Variants in ZNF277 observed in about 807,000 individuals in gnomAD.
ZNF277 encodes the protein zinc finger protein 277.
A neutral mutation model predicts 60.7 loss-of-function variants in ZNF277; 55 were observed. The ratio of observed to expected loss-of-function variants is 0.91; its 90% CI spans 0.73 to 1.13. The LOEUF is 1.13. Ranked by LOEUF, ZNF277 falls within the 50% of genes most tolerant of loss-of-function variation. The pLI is 0.00. For synonymous variants in ZNF277, 178 were observed against 179.3 expected (o/e 0.99, Z 0.06); for missense variants, 510 against 523.0 (o/e 0.98, Z 0.24).
intron 1 of ZNF277, among the ~76,000 whole-genome samples, chr7:112,234,408 A>G (rs1822429713): frequency 6.6e-6 from 1 of 152,176 alleles, no homozygotes; most frequent in South Asian, 2.1e-4. Flanking sequence ...GTGTCTTTAC[A>G]TGGCAGAAGG....
intron 1 of ZNF277, among the ~76,000 whole-genome samples, chr7:112,266,401 C>T (rs1791551578): frequency 2.0e-5 from 3 of 152,160 alleles, no homozygotes; most frequent in Admixed American, 6.5e-5. Context: ...TCCTCCTCAG[C>T]CTGTCAAACT....
In ZNF277 at chr7:112,308,243, C is replaced by A. The variant is rs115997948; in HGVS notation, c.466-9939C>A. Among the ~76,000 whole-genome samples the A allele has an allele frequency of 9.4e-3, 1,434 of 152,030 alleles. 17 individuals are homozygous for A. Among genetic ancestry groups the A allele is most frequent in the African/African-American group, 0.032 (1,343 of 41,484 alleles). On this transcript the variant is annotated intron_variant, in intron 4 of 11. Transcript: ENST00000361822. ...TAAAAATTGTGACCATGGCTGGGTG[C>A]GGTGGCTCACTCCTGTAATCCCAGC...
chr7:112,299,187 T>C (rs1008985022), intron 4 of ZNF277, among the ~76,000 whole-genome samples: 1 of 152,152 alleles, frequency 6.6e-6, no homozygotes, highest in Non-Finnish European at 1.5e-5. Flanking sequence ...AGCATGAGGT[T>C]AGTGTGGGTG....
chr7:112,217,969 C>T (rs1343747078), intron 1 of ZNF277, among the ~76,000 whole-genome samples: 1 of 152,184 alleles, frequency 6.6e-6, no homozygotes, highest in Non-Finnish European at 1.5e-5. Flanking sequence ...ACGATTTCAT[C>T]TCTGACCTGA....
At chr7:112,245,643 C>G (rs1791066336) in intron 1 of ZNF277, among the ~76,000 whole-genome samples, 1 of 152,102 alleles carries the variant, frequency 6.6e-6, no homozygotes, top group South Asian at 2.1e-4. Flanking sequence ...GGTGACTTTC[C>G]GGCAACCTTT....
chr7:112,259,944 A>G (rs1425755859), intron 1 of ZNF277, among the ~76,000 whole-genome samples: 3 of 152,232 alleles, frequency 2.0e-5, no homozygotes, highest in African/African-American at 4.8e-5. Flanking sequence ...AGATAAGTTC[A>G]TCTATCAGGT....
intron 1 of ZNF277, 86 bp downstream of exon 1, chr7:112,206,893 G>GAGCC: frequency 7.3e-7 from 1 of 1,379,092 alleles, no homozygotes; most frequent in Non-Finnish European, 9.9e-7. Context: ...CTGACCCTAG[G>GAGCC]AGCCCTTCAG....
intron 1 of ZNF277, among the ~76,000 whole-genome samples, chr7:112,222,592 T>C (rs117002623): frequency 0.014 from 2,177 of 152,328 alleles, 30 homozygotes; most frequent in Middle Eastern, 0.051. Context: ...TTAGCTTAGC[T>C]AAGGGTTTGT....
At chr7:112,335,503 C>T (rs2107117) in intron 7 of ZNF277, among the ~76,000 whole-genome samples, 54,173 of 151,922 alleles carry the variant, frequency 0.36, 12,530 homozygotes, top group African/African-American at 0.66. Context: ...CCACTGATGG[C>T]AAAGGATAAA....
chr7:112,248,657 G>A (rs929970606), intron 1 of ZNF277, among the ~76,000 whole-genome samples: 5 of 151,704 alleles, frequency 3.3e-5, no homozygotes, highest in Non-Finnish European at 5.9e-5. Flanking sequence ...GTATATGTAT[G>A]TATAAACATG....
intron 8 of ZNF277, 37 bp from the exon 9 acceptor site, chr7:112,337,693 G>A: frequency 6.4e-7 from 1 of 1,570,682 alleles, no homozygotes; most frequent in South Asian, 1.1e-5. Flanking sequence ...CTTAATGAAG[G>A]GAATCTCCGT....
chr7:112,247,444 A>G (rs1273018643), intron 1 of ZNF277, among the ~76,000 whole-genome samples: 1 of 152,198 alleles, frequency 6.6e-6, no homozygotes, highest in Non-Finnish European at 1.5e-5. Flanking sequence ...TGAGAGTAAC[A>G]TAAAGGCAGG....
intron 4 of ZNF277, among the ~76,000 whole-genome samples, chr7:112,306,407 G>A (rs894589995): frequency 6.6e-6 from 1 of 151,898 alleles, no homozygotes; most frequent in Non-Finnish European, 1.5e-5. Flanking sequence ...TATAGATGGG[G>A]TTTCACCATG....
At chr7:112,243,710 T>A (rs983854212) in intron 1 of ZNF277, among the ~76,000 whole-genome samples, 1 of 151,956 alleles carries the variant, frequency 6.6e-6, no homozygotes, top group East Asian at 1.9e-4. Context: ...AAAATGGGAA[T>A]GTAAACTAGT....
intron 4 of ZNF277, among the ~76,000 whole-genome samples, chr7:112,307,242 T>C (rs1043584846): frequency 6.6e-6 from 1 of 152,024 alleles, no homozygotes; most frequent in African/African-American, 2.4e-5. Context: ...CTCTCAGGGA[T>C]TTTGCCTTTA....
intron 1 of ZNF277, among the ~76,000 whole-genome samples, chr7:112,218,662 T>G (rs1821949351): frequency 6.6e-6 from 1 of 152,218 alleles, no homozygotes; most frequent in Admixed American, 6.5e-5. Context: ...CATTGTACTA[T>G]CTGCTTCTAT....
intron 1 of ZNF277, among the ~76,000 whole-genome samples, chr7:112,283,160 G>A (rs1446274065): frequency 6.6e-6 from 1 of 152,140 alleles, no homozygotes; most frequent in Non-Finnish European, 1.5e-5. Flanking sequence ...TTATAATTTT[G>A]AGCAAGGTGC....
In ZNF277 at chr7:112,318,252, A is replaced by G. The variant is rs750448879; in HGVS notation, c.536A>G (p.Asn179Ser). Residue 179 changes from asparagine (N) to serine (S), a missense_variant, in exon 5 of 12, where the codon AAT becomes AGT. Physicochemically the swap from Asn to Ser is conservative, Grantham distance 46 (BLOSUM62 1). Coordinates refer to ENST00000361822, the MANE Select transcript of ZNF277 (RefSeq NM_021994.3). ...TNFHGVCMFCNEEFLGNRSVI... is the reference protein window; with the variant it reads ...TNFHGVCMFCSEEFLGNRSVI... ...TTTCATGGCGTTTGTATGTTTTGCA[A>G]TGAAGAATTCCTTGGAAACAGGTTT... is the stretch of plus-strand genomic sequence containing the variant. The G allele has an allele frequency of 1.2e-6, 2 of 1,613,348 alleles. No individual in the cohort carries two copies. The highest frequency in any genetic ancestry group is 1.7e-5 in the Admixed American group (1 of 59,986).
chr7:112,308,316 AC>A (rs1792646192), intron 4 of ZNF277, among the ~76,000 whole-genome samples: 1 of 152,122 alleles, frequency 6.6e-6, no homozygotes, highest in Admixed American at 6.5e-5. Flanking sequence ...GGAGTTCAAG[AC>A]CAGCCTGACC....
Sources: allele counts gnomAD v4.1 joint callset (sites outside exome capture counted in the v4.1 genomes callset), GRCh38; gene constraint gnomAD v4.1.1; transcripts MANE v1.5; gene names NCBI Gene and HGNC (gene_info 2026-07-23, HGNC 2026-07-21).